SLC25A36: variants seen among roughly 807,000 people sequenced by gnomAD.
SLC25A36 encodes the protein epididymis secretory sperm binding protein.
In SLC25A36, 24 loss-of-function variants were observed where a neutral mutation model predicts 35.3. The ratio of observed to expected loss-of-function variants is 0.68; its 90% confidence interval spans 0.49 to 0.96. The LOEUF is 0.96. Ranked by LOEUF, SLC25A36 falls within the 40% of genes least tolerant of loss-of-function variation. The pLI is 0.00. For missense variants in SLC25A36, 294 were observed against 381.1 expected (o/e 0.77, Z 1.90); for synonymous variants, 141 against 132.2 (o/e 1.07, Z -0.46).
At position 140,980,201 on chromosome 3, in the gene SLC25A36, A is replaced by G. The variant is rs1935150954; in HGVS notation, c.*3748A>G. Among the ~76,000 whole-genome samples the G allele has an allele frequency of 6.6e-6, 1 of 152,158 alleles. No individual in the cohort carries two copies. The highest frequency in any genetic ancestry group is 2.4e-5 in the African/African-American group (1 of 41,414). ...ATCTTCCACAGGTTTATTGACTTTT[A>G]TCCAACACTTTTCATGTTTTAATTT... On this transcript the variant is annotated 3_prime_UTR_variant, in exon 7 of 7. Coordinates refer to ENST00000324194, the MANE Select transcript of SLC25A36 (RefSeq NM_001104647.3).
At chr3:140,958,486 G>T (rs562617786) in intron 2 of SLC25A36, among the ~76,000 whole-genome samples, 53 of 152,202 alleles carry the variant, frequency 3.5e-4, no homozygotes, top group Non-Finnish European at 5.6e-4. Flanking sequence ...CAGGGGCCTC[G>T]CCTTCTTTTT....
At chr3:140,975,097 C>CTTTTTGTTTTT (rs1935004764) in intron 6 of SLC25A36, among the ~76,000 whole-genome samples, 1 of 55,188 alleles carries the variant, frequency 1.8e-5, no homozygotes. Flanking sequence ...AAGATACATT[C>CTTTTTGTTTTT]TTTTTTTTTT....
At chr3:140,953,459 G>GTTAA (rs1934384595) in intron 1 of SLC25A36, among the ~76,000 whole-genome samples, 1 of 151,582 alleles carries the variant, frequency 6.6e-6, no homozygotes, top group Admixed American at 6.6e-5. Flanking sequence ...TTTTTGAAGT[G>GTTAA]TTAAGCTTAT....
chr3:140,947,307 C>T (rs988671292), intron 1 of SLC25A36, among the ~76,000 whole-genome samples: 73 of 152,012 alleles, frequency 4.8e-4, no homozygotes, highest in African/African-American at 1.7e-3. Flanking sequence ...AGGGTAGCAA[C>T]GAAAGGGGGA....
intron 1 of SLC25A36, among the ~76,000 whole-genome samples, chr3:140,951,178 T>C (rs1934314111): frequency 6.6e-6 from 1 of 152,172 alleles, no homozygotes; most frequent in Non-Finnish European, 1.5e-5. Context: ...AACTTGCAGC[T>C]GCCGATTTCT....
intron 4 of SLC25A36, chr3:140,964,282 G>A (rs1934705897): frequency 6.6e-6 from 1 of 151,890 alleles, no homozygotes. Context: ...AAGGCTTTTT[G>A]TATTTATTAA....
At chr3:140,953,974 G>GA (rs1312477764) in intron 1 of SLC25A36, among the ~76,000 whole-genome samples, 1 of 151,686 alleles carries the variant, frequency 6.6e-6, no homozygotes, top group African/African-American at 2.4e-5. Flanking sequence ...TATCTCAAAA[G>GA]AAAAAAAGAA....
chr3:140,948,329 T>A (rs1934222812), intron 1 of SLC25A36, among the ~76,000 whole-genome samples: 1 of 150,596 alleles, frequency 6.6e-6, no homozygotes, highest in Non-Finnish European at 1.5e-5. Flanking sequence ...CTTTAGTGAT[T>A]GATATTTCTT....
chr3:140,980,699 C>A lies in SLC25A36; in HGVS notation c.*4246C>A, dbSNP rs1179893714. 1.8e-5 allele frequency among the ~76,000 whole-genome samples: 1 copy of A among 56,662 alleles called. No individual in the cohort carries two copies. The highest frequency in any genetic ancestry group is 2.6e-4 in the Admixed American group (1 of 3,880). The allele number at this position is 56,662 out of a possible 152,430, so 37.2% of individuals were successfully genotyped here. A position where few individuals can be genotyped will look rare whatever the true frequency, so the allele number is the denominator to read the frequency against. The stretch of plus-strand genomic sequence containing the variant: ...TGTAATTAAATGTTCCCCCTGCCCC[C>A]CCCCCCTTTTAATATATATACACGG... On this transcript the variant is annotated 3_prime_UTR_variant, in exon 7 of 7. Transcript: ENST00000324194.
In SLC25A36 at chr3:140,974,572, T is replaced by C. The variant is rs1934987904; in HGVS notation, c.742+567T>C. Among the ~76,000 whole-genome samples the C allele has an allele frequency of 2.6e-5, 4 of 152,194 alleles. No homozygotes were observed. The South Asian group carries it at 8.3e-4, about 32-fold the overall frequency. ...AATAAGTATGTGTTAATAATTCCTT[T>C]TATTTCTGTATTTAAATTTTATAAT... On this transcript the variant is annotated intron_variant, in intron 6 of 6. Transcript: ENST00000324194.
At chr3:140,943,760 A>C (rs1003514993) in intron 1 of SLC25A36, among the ~76,000 whole-genome samples, 2 of 152,220 alleles carry the variant, frequency 1.3e-5, no homozygotes, top group Non-Finnish European at 2.9e-5. Context: ...TGCGTTCAGG[A>C]TTCATGTATC....
Position 140,955,302 on chromosome 3 carries a change from A to G in SLC25A36, c.42-1225A>G, listed in dbSNP as rs201839844. 2.5e-4 allele frequency among the ~76,000 whole-genome samples: 38 copies of G among 151,754 alleles called. No individual in the cohort carries two copies. In the East Asian group the frequency reaches 6.2e-3, roughly 25 times the overall value. ...GTAGAATTGTTTAGTGTATTATTGCATGGGTTGCTTTTCTTTTTCTTCTTT... is the reference window on the plus strand; with the variant it reads ...GTAGAATTGTTTAGTGTATTATTGCGTGGGTTGCTTTTCTTTTTCTTCTTT... On this transcript the variant is annotated intron_variant, in intron 1 of 6. Coordinates refer to ENST00000324194, the MANE Select transcript of SLC25A36 (RefSeq NM_001104647.3).
chr3:140,957,219 A>G (rs1162738426), intron 2 of SLC25A36: 1 of 152,224 alleles, frequency 6.6e-6, no homozygotes, highest in Admixed American at 6.5e-5. Context: ...TGAAATTTCA[A>G]AACTATTAAA....
chr3:140,974,045 C>T (rs779958317), intron 6 of SLC25A36, 40 bp downstream of exon 6: 4 of 1,347,136 alleles, frequency 3.0e-6, no homozygotes, highest in East Asian at 2.3e-5. Flanking sequence ...TATTTTCCCA[C>T]CCCAGCCAAC....
At chr3:140,959,638 A>G (rs990626116) in intron 3 of SLC25A36, 98 bp downstream of exon 3, 4 of 520,270 alleles carry the variant, frequency 7.7e-6, no homozygotes, top group Non-Finnish European at 1.3e-5. Flanking sequence ...TAAATTTATA[A>G]ATGTAGTATT....
chr3:140,958,946 G>GA (rs1934551342), intron 2 of SLC25A36, among the ~76,000 whole-genome samples: 1 of 141,898 alleles, frequency 7.0e-6, no homozygotes, highest in Non-Finnish European at 1.5e-5. Context: ...GCTATGTCAT[G>GA]AAAAAACAAT....
chr3:140,945,383 C>T (rs1300234576), intron 1 of SLC25A36, among the ~76,000 whole-genome samples: 1 of 152,040 alleles, frequency 6.6e-6, no homozygotes, highest in Non-Finnish European at 1.5e-5. Flanking sequence ...TCTAAAAATG[C>T]ATTCCGTTCT....
At chr3:140,944,994 C>T (rs1282603648) in intron 1 of SLC25A36, among the ~76,000 whole-genome samples, 1 of 152,192 alleles carries the variant, frequency 6.6e-6, no homozygotes, top group Non-Finnish European at 1.5e-5. Flanking sequence ...TTTACTACCT[C>T]TCCTTTTCCT....
At chr3:140,961,626 CGGG>C (rs1044097918) in intron 3 of SLC25A36, among the ~76,000 whole-genome samples, 8 of 151,728 alleles carry the variant, frequency 5.3e-5, no homozygotes, top group African/African-American at 1.7e-4. Flanking sequence ...GAGGCCAAGG[CGGG>C]TGGATCACAA....
Sources: allele counts gnomAD v4.1 joint callset (sites outside exome capture counted in the v4.1 genomes callset), GRCh38; gene constraint gnomAD v4.1.1; transcripts MANE v1.5; gene names NCBI Gene and HGNC (gene_info 2026-07-23, HGNC 2026-07-21).